CTSV: variants seen among roughly 807,000 people sequenced by gnomAD.
CTSV encodes the protein cathepsin L2.
Under a neutral mutation model 35.6 loss-of-function variants are expected in CTSV, and 33 were observed. The ratio of observed to expected loss-of-function variants is 0.93; its 90% CI spans 0.70 to 1.24. The LOEUF is 1.24. CTSV is among the 50% of genes most tolerant of loss of function. CTSV has a pLI of 0.00. For missense variants in CTSV, 408 were observed against 413.1 expected (o/e 0.99, Z 0.11); for synonymous variants, 154 against 147.1 (o/e 1.05, Z -0.34).
rs1309091720 is a variant in CTSV at position 97,032,037 on chromosome 9, C to G, written c.*912G>C. On this transcript the variant is annotated 3_prime_UTR_variant, in exon 8 of 8. Transcript: ENST00000259470. ...AGCAGCTTCACTTTTTATCACGTAA[C>G]CTAACCATCTTGAGGTTATGTGTCA... 2 of 152,190 alleles carry G rather than the reference C, an allele frequency of 1.3e-5. No homozygotes were observed. The highest frequency in any genetic ancestry group is 4.8e-5 in the African/African-American group (2 of 41,446). 9.4% of individuals were successfully genotyped at this position (152,190 alleles called of 1,614,324 possible). A position where few individuals can be genotyped will look rare whatever the true frequency, so the allele number is the denominator to read the frequency against.
rs112805687 is a variant in CTSV, at chr9:97,032,387, G to A, written c.*562C>T. The stretch of plus-strand genomic sequence containing the variant: ...CACTCCAGCCTTGGTGACAGAGTGA[G>A]AGAGACTCCGTCTCATAAAAAAAAA... On this transcript the variant is annotated 3_prime_UTR_variant, in exon 8 of 8. Coordinates refer to ENST00000259470, the MANE Select transcript of CTSV (RefSeq NM_001333.4). 5 of 152,126 alleles carry A rather than the reference G, an allele frequency of 3.3e-5. No homozygotes were observed. The highest frequency in any genetic ancestry group is 5.9e-5 in the Non-Finnish European group (4 of 68,112). 9.4% of individuals were successfully genotyped at this position (152,126 alleles called of 1,614,324 possible).
intron 4 of CTSV, 69 bp from the exon 5 acceptor site, chr9:97,036,816 T>A: frequency 8.0e-7 from 1 of 1,251,242 alleles, no homozygotes; most frequent in Non-Finnish European, 1.1e-6. Flanking sequence ...CATAATTGAA[T>A]TACCTTAATA....
chr9:97,038,796 G>T (rs777082044), intron 1 of CTSV, among the ~76,000 whole-genome samples: 1 of 152,132 alleles, frequency 6.6e-6, no homozygotes, highest in South Asian at 2.1e-4. Context: ...GGGAGCGGGG[G>T]CTCCGCGGCC....
In CTSV at chr9:97,034,639, T is replaced by G. The variant is rs1256942166; in HGVS notation, c.905+87A>C. ...TTCACTCTAAGTAGAAGAAAGACTT[T>G]CGGAATTTTGAAATTGAGCTTTTGT... is the stretch of plus-strand genomic sequence containing the variant. On this transcript the variant is annotated intron_variant, in intron 7 of 7. Coordinates refer to ENST00000259470, the MANE Select transcript of CTSV (RefSeq NM_001333.4). 4.0e-6 allele frequency: 4 copies of G among 1,001,862 alleles called. No homozygotes were observed. In the East Asian group the frequency reaches 9.5e-5, roughly 24 times the overall value. 62.1% of individuals were successfully genotyped at this position (1,001,862 alleles called of 1,614,324 possible). A position where few individuals can be genotyped will look rare whatever the true frequency, so the allele number is the denominator to read the frequency against.
intron 7 of CTSV, among the ~76,000 whole-genome samples, chr9:97,033,959 T>C (rs376052177): frequency 4.0e-5 from 6 of 151,502 alleles, no homozygotes; most frequent in African/African-American, 1.5e-4. Context: ...TAGCTGGGTA[T>C]GGTAGCACAT....
Position 97,030,212 on chromosome 9 carries a change from C to T in CTSV, c.*2737G>A, listed in dbSNP as rs10980209. On this transcript the variant is annotated 3_prime_UTR_variant, in exon 8 of 8. Coordinates refer to ENST00000259470, the MANE Select transcript of CTSV (RefSeq NM_001333.4). The stretch of plus-strand genomic sequence containing the variant: ...ACATTTAGAAAACAGTTTCAACTTT[C>T]ATAGGCAAAACATACACATGAACCA... The T allele has an allele frequency of 6.6e-6, 1 of 152,176 alleles. No individual in the cohort carries two copies. Among genetic ancestry groups the T allele is most frequent in the Non-Finnish European group, 1.5e-5 (1 of 68,030 alleles). The allele number at this position is 152,176 out of a possible 1,614,324, so 9.4% of individuals were successfully genotyped here. A position where few individuals can be genotyped will look rare whatever the true frequency, so the allele number is the denominator to read the frequency against.
At chr9:97,034,107 T>C (rs973035563) in intron 7 of CTSV, among the ~76,000 whole-genome samples, 3 of 152,092 alleles carry the variant, frequency 2.0e-5, no homozygotes, top group Admixed American at 6.5e-5. Flanking sequence ...AAAAAATAAA[T>C]AAACAAATGA....
At position 97,037,691 on chromosome 9, in the gene CTSV, G is replaced by C. The variant is rs545412561; in HGVS notation, c.127-76C>G. The stretch of plus-strand genomic sequence containing the variant: ...TGTTCACCAAGCCGATTTGCGGGCA[G>C]AAATGGAAGAGAAACCATGGCCAGG... On this transcript the variant is annotated intron_variant, in intron 2 of 7. Transcript: ENST00000259470. 10 of 1,573,866 alleles carry C rather than the reference G, an allele frequency of 6.4e-6. 1 individual carries two copies. In the African/African-American group the frequency reaches 1.1e-4, roughly 17 times the overall value.
rs558069650 is a variant in CTSV, at chr9:97,032,805, A to T, written c.*144T>A. On this transcript the variant is annotated 3_prime_UTR_variant, in exon 8 of 8. Coordinates refer to ENST00000259470, the MANE Select transcript of CTSV (RefSeq NM_001333.4). ...AGTAGTGGTAACATTTTACCCTTGT[A>T]AAAATGTCACAGAATTAAAATCTCA... is the stretch of plus-strand genomic sequence containing the variant. The T allele has an allele frequency of 7.4e-5, 40 of 539,340 alleles. No homozygotes were observed. The highest frequency in any genetic ancestry group is 6.4e-4 in the African/African-American group (34 of 53,028). 33.4% of individuals were successfully genotyped at this position (539,340 alleles called of 1,614,324 possible).
At chr9:97,037,131 C>G (rs1375245417) in intron 4 of CTSV, 121 bp downstream of exon 4, 1 of 1,153,672 alleles carries the variant, frequency 8.7e-7, no homozygotes, top group Non-Finnish European at 1.2e-6. Flanking sequence ...AAAAAAACAC[C>G]AAAAACCAAA....
intron 7 of CTSV, among the ~76,000 whole-genome samples, chr9:97,033,448 T>TA (rs1828789840): frequency 7.7e-6 from 1 of 130,116 alleles, no homozygotes; most frequent in Non-Finnish European, 1.6e-5. Context: ...CTGCCTCTAC[T>TA]AAATTAAAAA....
At chr9:97,035,488 C>T in intron 6 of CTSV, 40 bp downstream of exon 6, 1 of 1,413,622 alleles carries the variant, frequency 7.1e-7, no homozygotes, top group East Asian at 2.6e-5. Context: ...AGTGATGCTT[C>T]CCAATTCTGC....
chr9:97,036,832 T>TAAAAAA, intron 4 of CTSV, 85 bp from the exon 5 acceptor site: 1 of 892,258 alleles, frequency 1.1e-6, no homozygotes. Flanking sequence ...TAATATTCTT[T>TAAAAAA]AAAAAAAAAA....
Position 97,037,483 on chromosome 9 carries a change from C to T in CTSV, c.249+10G>A, listed in dbSNP as rs1564075448. ...GCAGCACAGAGTTCAGCAATCCTTG[C>T]CACACTCACCATGTCACCAAAAGCA... On this transcript the variant is annotated intron_variant, in intron 3 of 7. Transcript: ENST00000259470. The T allele has an allele frequency of 6.2e-7, 1 of 1,614,056 alleles. No homozygotes were observed.
intron 7 of CTSV, among the ~76,000 whole-genome samples, chr9:97,034,059 T>C (rs1351986273): frequency 6.6e-6 from 1 of 152,218 alleles, no homozygotes; most frequent in African/African-American, 2.4e-5. Context: ...ATCGTGCCAC[T>C]GCACTCCAGC....
At chr9:97,034,553 A>G (rs1045643129) in intron 7 of CTSV, among the ~76,000 whole-genome samples, 173 bp downstream of exon 7, 1 of 152,234 alleles carries the variant, frequency 6.6e-6, no homozygotes, top group African/African-American at 2.4e-5. Flanking sequence ...TTACAAATAC[A>G]TAGCAATAAC....
chr9:97,036,439 T>C (rs1436532141), intron 5 of CTSV, 84 bp downstream of exon 5: 15 of 954,968 alleles, frequency 1.6e-5, no homozygotes, highest in Non-Finnish European at 2.4e-5. Flanking sequence ...AAATGTGAAT[T>C]CTGAAAAAAG....
chr9:97,033,121 A>G, intron 7 of CTSV, 73 bp from the exon 8 acceptor site: 1 of 937,496 alleles, frequency 1.1e-6, no homozygotes, highest in South Asian at 1.5e-5. Flanking sequence ...AATAATAGCT[A>G]ATACTTAAAC....
Position 97,036,842 on chromosome 9 carries a change from A to AAC in CTSV, c.397-96_397-95insGT, listed in dbSNP as rs1554707856. On this transcript the variant is annotated intron_variant, in intron 4 of 7. Transcript: ENST00000259470. ...TACCTTAATATTCTTTAAAAAAAAAAAAAACCCATCGCCACACTTTGGGAG... is the reference window on the plus strand; with the variant it reads ...TACCTTAATATTCTTTAAAAAAAAAAACAAAACCCATCGCCACACTTTGGGAG... 1.2e-5 allele frequency: 15 copies of AAC among 1,209,182 alleles called. 1 individual carries two copies. Among genetic ancestry groups the AAC allele is most frequent in the Middle Eastern group, 3.0e-4 (1 of 3,388 alleles). 74.9% of individuals were successfully genotyped at this position (1,209,182 alleles called of 1,614,324 possible). A position where few individuals can be genotyped will look rare whatever the true frequency, so the allele number is the denominator to read the frequency against.
Sources: allele counts gnomAD v4.1 joint callset (sites outside exome capture counted in the v4.1 genomes callset), GRCh38; gene constraint gnomAD v4.1.1; transcripts MANE v1.5; gene names NCBI Gene and HGNC (gene_info 2026-07-23, HGNC 2026-07-21).